Variants in ICA1 observed in about 807,000 individuals in gnomAD.
ICA1 encodes the protein 69 kDa islet cell autoantigen.
ICA1 carries 40 observed loss-of-function variants against 71.0 expected under a neutral mutation model. The observed-to-expected ratio is 0.56, with a 90% CI of 0.44 to 0.73. ICA1 has a LOEUF of 0.73. ICA1 is among the 30% of genes least tolerant of loss of function. The pLI is 0.00. For missense variants in ICA1, 578 were observed against 576.5 expected (o/e 1.00, Z -0.03); for synonymous variants, 207 against 209.5 (o/e 0.99, Z 0.10).
At chr7:8,148,343 T>G (rs796524311) in intron 8 of ICA1, among the ~76,000 whole-genome samples, 23 of 152,286 alleles carry the variant, frequency 1.5e-4, no homozygotes, top group African/African-American at 5.5e-4. Context: ...AACCCACTAC[T>G]GTTCTGACTC....
chr7:8,204,442 A>G (rs1317364638), intron 6 of ICA1, among the ~76,000 whole-genome samples: 1 of 152,388 alleles, frequency 6.6e-6, no homozygotes, highest in Middle Eastern at 3.4e-3. Context: ...GTTTTAACGA[A>G]GTAATGAATA....
At chr7:8,205,264 A>T (rs1318999013) in intron 6 of ICA1, among the ~76,000 whole-genome samples, 1 of 152,148 alleles carries the variant, frequency 6.6e-6, no homozygotes, top group Non-Finnish European at 1.5e-5. Flanking sequence ...CATGGCATAC[A>T]CAGCCTGGAT....
chr7:8,171,655 T>C (rs1008180483), intron 6 of ICA1, among the ~76,000 whole-genome samples: 1 of 151,778 alleles, frequency 6.6e-6, no homozygotes, highest in African/African-American at 2.4e-5. Flanking sequence ...TTCTGTGTAC[T>C]TAGGTTTAAT....
At chr7:8,133,838 A>G (rs1792346850) in intron 12 of ICA1, among the ~76,000 whole-genome samples, 1 of 149,452 alleles carries the variant, frequency 6.7e-6, no homozygotes, top group Admixed American at 6.8e-5. Flanking sequence ...CCAGTGAGAA[A>G]AATCATACTT....
chr7:8,194,716 T>C (rs188011792), intron 6 of ICA1, among the ~76,000 whole-genome samples: 74 of 152,320 alleles, frequency 4.9e-4, no homozygotes, highest in Admixed American at 1.2e-3. Flanking sequence ...AGTCTAATGT[T>C]AGGGCGTTTT....
chr7:8,127,138 G>A (rs2128060098), intron 13 of ICA1, among the ~76,000 whole-genome samples: 1 of 149,640 alleles, frequency 6.7e-6, no homozygotes, highest in East Asian at 2.0e-4. Context: ...GTGCCATCAT[G>A]CCTACCTAAG....
intron 6 of ICA1, among the ~76,000 whole-genome samples, chr7:8,163,458 TTGAG>T (rs1804665076): frequency 6.6e-6 from 1 of 152,230 alleles, no homozygotes. Context: ...CAAATACTTA[TTGAG>T]TATCTTCTAT....
intron 6 of ICA1, among the ~76,000 whole-genome samples, chr7:8,188,281 T>A (rs1333816176): frequency 6.6e-6 from 1 of 152,182 alleles, no homozygotes; most frequent in Non-Finnish European, 1.5e-5. Flanking sequence ...ACACACTTAT[T>A]TGGTTTCTAA....
Position 8,216,584 on chromosome 7 carries a change from C to CAAAA in ICA1, c.579+1717_579+1720dup, listed in dbSNP as rs142208758. The stretch of plus-strand genomic sequence containing the variant: ...AGTAACCACCCCCACAAAACAAAAC[C>CAAAA]AAAAAAAAAATTCCACATAAAATTC... On this transcript the variant is annotated intron_variant, in intron 6 of 13. Coordinates refer to ENST00000402384, the MANE Select transcript of ICA1 (RefSeq NM_001136020.3). Among the ~76,000 whole-genome samples, 401 of 143,682 alleles carry CAAAA rather than the reference C, an allele frequency of 2.8e-3. 4 individuals are homozygous for CAAAA. The highest frequency in any genetic ancestry group is 8.2e-3 in the African/African-American group (315 of 38,220). 94.3% of individuals were successfully genotyped at this position (143,682 alleles called of 152,430 possible). A position where few individuals can be genotyped will look rare whatever the true frequency, so the allele number is the denominator to read the frequency against.
rs148841025 is a variant in ICA1, at chr7:8,256,565, T to G, written c.-80+5529A>C. Among the ~76,000 whole-genome samples, 189 of 152,294 alleles carry G rather than the reference T, an allele frequency of 1.2e-3. 3 individuals carry two copies. The East Asian group carries it at 0.028, about 23-fold the overall frequency. ...CTCTCCTCAAATGTTGCCTCTTCAG[T>G]GAAGTATTCCCAACTCAACATCTCG... On this transcript the variant is annotated intron_variant, in intron 1 of 13. Coordinates refer to ENST00000402384, the MANE Select transcript of ICA1 (RefSeq NM_001136020.3).
At chr7:8,230,431 T>G (rs566256337) in intron 3 of ICA1, among the ~76,000 whole-genome samples, 1 of 152,304 alleles carries the variant, frequency 6.6e-6, no homozygotes, top group Non-Finnish European at 1.5e-5. Flanking sequence ...TTTGTATATT[T>G]CATGGATGGA....
intron 12 of ICA1, among the ~76,000 whole-genome samples, chr7:8,134,357 CT>C (rs1490413732): frequency 6.6e-6 from 1 of 152,194 alleles, no homozygotes; most frequent in African/African-American, 2.4e-5. Context: ...TGACAGCTCA[CT>C]CAGGTGGTAT....
At chr7:8,153,833 C>A (rs759500128) in intron 8 of ICA1, among the ~76,000 whole-genome samples, 7 of 104,744 alleles carry the variant, frequency 6.7e-5, no homozygotes, top group Non-Finnish European at 9.9e-5. Flanking sequence ...ACAACTCATG[C>A]AGAATATATA....
chr7:8,118,848 G>A (rs774668358), intron 13 of ICA1, among the ~76,000 whole-genome samples: 1 of 152,124 alleles, frequency 6.6e-6, no homozygotes, highest in Non-Finnish European at 1.5e-5. Context: ...TTCTCACAAT[G>A]TGGGCCCTCA....
intron 6 of ICA1, among the ~76,000 whole-genome samples, chr7:8,160,896 A>G (rs941800808): frequency 4.6e-5 from 7 of 152,214 alleles, no homozygotes; most frequent in African/African-American, 1.7e-4. Flanking sequence ...AGGAATAGGA[A>G]GGCAGAAAAA....
At chr7:8,114,098 G>C (rs1039941117) in intron 13 of ICA1, 54 bp from the exon 14 acceptor site, 35 of 1,607,678 alleles carry the variant, frequency 2.2e-5, no homozygotes, top group Non-Finnish European at 2.9e-5. Context: ...GTCCACCTCT[G>C]CCATGCGGGA....
At chr7:8,174,271 T>C (rs778872599) in intron 6 of ICA1, among the ~76,000 whole-genome samples, 1 of 152,210 alleles carries the variant, frequency 6.6e-6, no homozygotes, top group Non-Finnish European at 1.5e-5. Context: ...AACATGATCT[T>C]TCCTCTTAAT....
intron 10 of ICA1, among the ~76,000 whole-genome samples, chr7:8,141,022 C>T (rs939439639): frequency 1.3e-5 from 2 of 152,204 alleles, no homozygotes; most frequent in Non-Finnish European, 2.9e-5. Flanking sequence ...TAGTTCTCTT[C>T]ATAACACCTG....
intron 5 of ICA1, 54 bp from the exon 6 acceptor site, chr7:8,218,557 A>G (rs1796088107): frequency 1.4e-6 from 2 of 1,431,280 alleles, no homozygotes; most frequent in African/African-American, 2.8e-5. Flanking sequence ...AGCAATTTAA[A>G]TCCTTGACAT....
Sources: gnomAD v4.1 joint callset for allele counts (sites outside exome capture counted in the v4.1 genomes callset) on GRCh38, gnomAD v4.1.1 for gene constraint, MANE v1.5 for transcripts, NCBI Gene and HGNC (gene_info 2026-07-23, HGNC 2026-07-21) for gene names.